RBPJ: variants seen among roughly 807,000 people sequenced by gnomAD.
The protein encoded by RBPJ is recombining binding protein suppressor of hairless.
RBPJ carries 9 observed loss-of-function variants against 67.8 expected under a neutral mutation model. The observed-to-expected ratio is 0.13, with a 90% CI of 0.08 to 0.23. The LOEUF (loss-of-function observed/expected upper bound fraction) is 0.23. RBPJ is among the 10% of genes least tolerant of loss of function. RBPJ has a pLI of 1.00. For synonymous variants in RBPJ, 198 were observed against 203.3 expected, an observed-to-expected ratio of 0.97 and a Z score of 0.22; for missense variants, 305 against 595.6, an observed-to-expected ratio of 0.51 and a Z score of 5.08.
At position 26,424,530 on chromosome 4, in the gene RBPJ, CT is replaced by C. The variant is rs944732179; in HGVS notation, c.634+55del. The stretch of plus-strand genomic sequence containing the variant: ...GTTTTTAGTGTGAAATTGTTAAAAT[CT>C]TTTGATGAGATACATGGATATATTA... On this transcript the variant is annotated intron_variant, in intron 6 of 10. Coordinates refer to ENST00000355476, the MANE Select transcript of RBPJ (RefSeq NM_015874.6). This position sits in a 1 kb window ranked among gnomAD's most constrained non-coding sequence, Gnocchi z 5.3. 1.8e-5 allele frequency: 28 copies of C among 1,589,482 alleles called. No homozygotes were observed. Among genetic ancestry groups the C allele is most frequent in the Non-Finnish European group, 2.4e-5 (28 of 1,160,884 alleles).
Position 26,278,733 on chromosome 4 carries a change from CTT to C in RBPJ, c.-166-83711_-166-83710del, listed in dbSNP as rs34423810. Reference sequence around the variant, plus strand: ...AAATCTCTTTTGCCCCTTTACAAGTCTTTATAATTTTCCTGACAGGGGCTTTA... The same window carrying C: ...AAATCTCTTTTGCCCCTTTACAAGTCTATAATTTTCCTGACAGGGGCTTTA... On this transcript the variant is annotated intron_variant, in intron 1 of 4. Transcript: ENST00000512351. 8.6e-3 allele frequency among the ~76,000 whole-genome samples: 1,312 copies of C among 152,304 alleles called. 14 individuals are homozygous for C. The highest frequency in any genetic ancestry group is 0.029 in the African/African-American group (1,215 of 41,554).
At chr4:26,273,641 A>G (rs924680325) in intron 1 of RBPJ, among the ~76,000 whole-genome samples, 2 of 152,200 alleles carry the variant, frequency 1.3e-5, no homozygotes, top group African/African-American at 2.4e-5. Flanking sequence ...TAGGGGTACT[A>G]ATCTTTCTGC....
intron 1 of RBPJ, chr4:26,362,334 CAG>C (rs902279502): frequency 3.8e-5 from 17 of 442,638 alleles, no homozygotes; most frequent in African/African-American, 1.2e-4. Context: ...CAGTGTTACA[CAG>C]GGTAGCAGCA....
At chr4:26,404,401 T>C (rs550504302) in intron 2 of RBPJ, among the ~76,000 whole-genome samples, 12 of 152,320 alleles carry the variant, frequency 7.9e-5, no homozygotes, top group African/African-American at 2.9e-4. Context: ...TCACCTGTTA[T>C]GGGGTAATAT....
chr4:26,148,033 A>G, the RBPJ span, among the ~76,000 whole-genome samples: 5 of 152,342 alleles, frequency 3.3e-5, 1 homozygote, highest in Non-Finnish European at 1.5e-5. Context: ...AGGCCCACTC[A>G]GATGATTCTA....
rs765501307 is a variant in RBPJ at position 26,430,797 on chromosome 4, T to G, written c.1254T>G (p.Asn418Lys). 1 of 1,614,034 alleles carries G rather than the reference T, an allele frequency of 6.2e-7. No homozygotes were observed. Among genetic ancestry groups the G allele is most frequent in the Non-Finnish European group, 8.5e-7 (1 of 1,180,000 alleles). The change falls in exon 11 of 11, where the codon AAT becomes AAG. Residue 418 changes from asparagine (N) to lysine (K), a missense_variant. Around this residue, in one of 7 missense-constraint regions of RBPJ, gnomAD observed 47 missense variants for 128.2 expected, o/e 0.37. Transcript: ENST00000355476. The surrounding 1 kb of genome is among the most constrained non-coding windows in gnomAD (Gnocchi z 4.1). ...AGGTTCCAGTAACTTTGGTCCGAAA[T>G]GATGGAATCATTTATTCCACCAGCC... Reference protein sequence around the residue: ...PVQVPVTLVRNDGIIYSTSLT... With the variant: ...PVQVPVTLVRKDGIIYSTSLT...
At chr4:26,268,867 GAA>G (rs1720790156) in intron 1 of RBPJ, among the ~76,000 whole-genome samples, 1 of 152,110 alleles carries the variant, frequency 6.6e-6, no homozygotes. Context: ...TCTAAATTTA[GAA>G]AATCTGTTAG....
intron 1 of RBPJ, among the ~76,000 whole-genome samples, chr4:26,227,581 G>A (rs1719119691): frequency 6.6e-6 from 1 of 152,166 alleles, no homozygotes; most frequent in African/African-American, 2.4e-5. Flanking sequence ...GAGTGGAGAT[G>A]AGTTTTGCAG....
At chr4:26,233,065 G>A (rs1177657387) in intron 1 of RBPJ, among the ~76,000 whole-genome samples, 1 of 152,182 alleles carries the variant, frequency 6.6e-6, no homozygotes, top group Non-Finnish European at 1.5e-5. Flanking sequence ...TACAAGTAGT[G>A]TTGTATGCAC....
chr4:26,428,239 A>G (rs1304688636), intron 7 of RBPJ, among the ~76,000 whole-genome samples: 1 of 152,162 alleles, frequency 6.6e-6, no homozygotes, highest in Non-Finnish European at 1.5e-5. Flanking sequence ...ATGTTGGAGT[A>G]TTTGTCATTT....
At chr4:26,394,383 G>C (rs890292087) in intron 2 of RBPJ, among the ~76,000 whole-genome samples, 2 of 151,698 alleles carry the variant, frequency 1.3e-5, no homozygotes, top group East Asian at 3.9e-4. Context: ...GTATATGATA[G>C]GAATAGAGTG....
chr4:26,206,533 G>A lies in RBPJ; in HGVS notation c.-167+42919G>A, dbSNP rs76412932. On this transcript the variant is annotated intron_variant, in intron 1 of 4. Coordinates refer to the RBPJ transcript ENST00000512351. ...CTCAGGCATAACTCCAAGAAAAAGA[G>A]ACACATGGTGAGGAACTGACATAAT... Among the ~76,000 whole-genome samples the A allele has an allele frequency of 3.6e-3, 541 of 152,272 alleles. 24 individuals carry two copies. The East Asian group carries it at 0.071, about 20-fold the overall frequency.
At chr4:26,165,356 G>A (rs1716233290) in intron 1 of RBPJ, among the ~76,000 whole-genome samples, 1 of 152,058 alleles carries the variant, frequency 6.6e-6, no homozygotes. Flanking sequence ...ATACTGTTTT[G>A]TTGAATGTCA....
At position 26,180,858 on chromosome 4, in the gene RBPJ, A is replaced by T. The variant is rs542767747; in HGVS notation, c.-167+17244A>T. On this transcript the variant is annotated intron_variant, in intron 1 of 4. Coordinates refer to the RBPJ transcript ENST00000512351. ...AACTAGAAAATGCTACAAGACCATT[A>T]TGCAGGGCAATGTAGACTAGGGATT... 1.2e-4 allele frequency among the ~76,000 whole-genome samples: 19 copies of T among 152,366 alleles called. 1 individual carries two copies. The South Asian group carries it at 2.7e-3, about 22-fold the overall frequency.
intron 1 of RBPJ, among the ~76,000 whole-genome samples, chr4:26,306,844 G>A (rs1386412336): frequency 4.6e-5 from 7 of 151,872 alleles, no homozygotes; most frequent in African/African-American, 1.2e-4. Flanking sequence ...GCCACTCACT[G>A]TTACTTGTTT....
rs528650975 is a variant in RBPJ at position 26,411,389 on chromosome 4, CT to C, written c.156-4082del. Among the ~76,000 whole-genome samples the C allele has an allele frequency of 6.0e-3, 901 of 151,050 alleles. 12 individuals are homozygous for C. Among genetic ancestry groups the C allele is most frequent in the African/African-American group, 0.021 (861 of 41,090 alleles). ...CCTTTTTTTTTTGTATATATGCTGA[CT>C]TTTATTCAATCACTAGATTTTTACG... is the stretch of plus-strand genomic sequence containing the variant. On this transcript the variant is annotated intron_variant, in intron 3 of 10. Coordinates refer to ENST00000355476, the MANE Select transcript of RBPJ (RefSeq NM_015874.6).
At chr4:26,350,601 A>G (rs1489769415) in intron 1 of RBPJ, among the ~76,000 whole-genome samples, 2 of 152,218 alleles carry the variant, frequency 1.3e-5, no homozygotes, top group Non-Finnish European at 2.9e-5. Context: ...GACATATGAT[A>G]GGTGAACAGT....
intron 1 of RBPJ, among the ~76,000 whole-genome samples, chr4:26,200,924 T>C (rs1428261956): frequency 1.3e-5 from 2 of 152,302 alleles, no homozygotes; most frequent in African/African-American, 4.8e-5. Context: ...TTGTAGATAG[T>C]GTGAGTGCAG....
chr4:26,267,606 A>AATTTATTTATTTATTT (rs201155264), intron 1 of RBPJ, among the ~76,000 whole-genome samples: 4 of 151,490 alleles, frequency 2.6e-5, no homozygotes, highest in African/African-American at 9.7e-5. Flanking sequence ...GTAATTTTTA[A>AATTTATTTATTTATTT]ATTTATTTAT....
Sources: gnomAD v4.1 joint callset for allele counts (sites outside exome capture counted in the v4.1 genomes callset) on GRCh38, gnomAD v4.1.1 for gene constraint, gnomAD v4.1.1 regional missense constraint, Gnocchi (gnomAD v3.1) non-coding constraint, MANE v1.5 for transcripts, NCBI Gene and HGNC (gene_info 2026-07-23, HGNC 2026-07-21) for gene names.